Variants in ABLIM2 observed in about 807,000 individuals in gnomAD.
The protein encoded by ABLIM2 is actin binding LIM protein family member 2.
In ABLIM2, 53 loss-of-function variants were observed where a neutral mutation model predicts 97.7. The ratio of observed to expected loss-of-function variants is 0.54; its 90% CI spans 0.44 to 0.68. The LOEUF (loss-of-function observed/expected upper bound fraction) is 0.68. Among genes scored for constraint, ABLIM2 ranks in the 30% least tolerant of loss-of-function variants. The pLI, the probability that ABLIM2 is intolerant of heterozygous loss-of-function variation, is 0.00. For missense variants in ABLIM2, 835 were observed against 867.2 expected (o/e 0.96, Z 0.47); for synonymous variants, 361 against 345.8 (o/e 1.04, Z -0.49).
At chr4:8,089,546 C>T (rs1326509446) in intron 3 of ABLIM2, among the ~76,000 whole-genome samples, 1 of 151,926 alleles carries the variant, frequency 6.6e-6, no homozygotes, top group East Asian at 1.9e-4. Context: ...ACCAGCCTGG[C>T]CAGTGTGGTG....
At position 7,965,792 on chromosome 4, in the gene ABLIM2, TCTCCATC is replaced by T. The variant is rs955873351; in HGVS notation, c.*1191_*1197del. 2.6e-5 allele frequency: 4 copies of T among 152,192 alleles called. No individual in the cohort carries two copies. The highest frequency in any genetic ancestry group is 4.4e-5 in the Non-Finnish European group (3 of 68,050). 9.4% of individuals were successfully genotyped at this position (152,192 alleles called of 1,614,324 possible). ...TGAGAAGAGCCACATCTCCATCCTA[TCTCCATC>T]CTATCTCCATCCTTCTCTCCCCAAC... On this transcript the variant is annotated 3_prime_UTR_variant, in exon 21 of 21. Coordinates refer to ENST00000447017, the MANE Select transcript of ABLIM2 (RefSeq NM_001130083.2).
intron 2 of ABLIM2, among the ~76,000 whole-genome samples, chr4:8,099,862 A>G (rs1833631181): frequency 6.6e-6 from 1 of 152,134 alleles, no homozygotes; most frequent in Non-Finnish European, 1.5e-5. Context: ...AAAACAAAAC[A>G]GCAACAACAA....
intron 15 of ABLIM2, 91 bp from the exon 16 acceptor site, chr4:8,008,291 CTAACA>C: frequency 7.9e-7 from 1 of 1,271,138 alleles, no homozygotes; most frequent in South Asian, 1.4e-5. Context: ...TTCCTTACTT[CTAACA>C]TACGAGCTGA....
chr4:8,050,382 C>A (rs1795191904), intron 8 of ABLIM2, among the ~76,000 whole-genome samples: 1 of 152,212 alleles, frequency 6.6e-6, no homozygotes, highest in African/African-American at 2.4e-5. Context: ...AGTGAGTGCT[C>A]CCTCCTCCCT....
chr4:8,110,700 A>G, intron 1 of ABLIM2, among the ~76,000 whole-genome samples: 1 of 152,072 alleles, frequency 6.6e-6, no homozygotes, highest in African/African-American at 2.4e-5. Flanking sequence ...AGCTGCTAAG[A>G]GCATGGATTT....
At position 7,967,008 on chromosome 4, in the gene ABLIM2, C is replaced by A. The variant is rs1723344157; in HGVS notation, c.1920G>T (p.Lys640Asn). 6.2e-7 allele frequency: 1 copy of A among 1,613,378 alleles called. No individual in the cohort carries two copies. Among genetic ancestry groups the A allele is most frequent in the Admixed American group, 1.7e-5 (1 of 60,006 alleles). ...LALWKRNDLK[K>N]KALLF Reference sequence around the variant, plus strand: ...GCAGCCGTCAGAACAAAAGGGCTTTCTTCTTAAGGTCATTCCTCTTCCAGA... The same window carrying A: ...GCAGCCGTCAGAACAAAAGGGCTTTATTCTTAAGGTCATTCCTCTTCCAGA... The change falls in exon 21 of 21, where the codon AAG becomes AAT. Residue 640 changes from lysine to asparagine, a missense_variant. Transcript: ENST00000447017.
Position 8,005,038 on chromosome 4 carries a change from G to A in ABLIM2, c.1618+3021C>T, listed in dbSNP as rs115845616. On this transcript the variant is annotated intron_variant, in intron 16 of 20. Transcript: ENST00000447017. The surrounding 1 kb of genome is among the most constrained non-coding windows in gnomAD (Gnocchi z 4.9). ...ATGTCCAGCACATAGTAGGTGCTCA[G>A]TAAGTATCTGGTGGAGGGATGGATG... Among the ~76,000 whole-genome samples the A allele has an allele frequency of 6.4e-3, 975 of 152,312 alleles. 11 individuals are homozygous for A. The highest frequency in any genetic ancestry group is 0.022 in the African/African-American group (925 of 41,570).
intron 16 of ABLIM2, among the ~76,000 whole-genome samples, chr4:7,993,334 G>A (rs1401347993): frequency 1.3e-5 from 2 of 152,254 alleles, no homozygotes; most frequent in Non-Finnish European, 2.9e-5. Flanking sequence ...CTGTGCCAGA[G>A]GTGGCAAATG....
intron 1 of ABLIM2, among the ~76,000 whole-genome samples, chr4:8,109,796 G>C (rs1839402590): frequency 6.6e-6 from 1 of 152,204 alleles, no homozygotes; most frequent in African/African-American, 2.4e-5. Context: ...ATCACCCTGG[G>C]CCTGCCTCCG....
chr4:8,065,434 C>T (rs939785170), intron 6 of ABLIM2, among the ~76,000 whole-genome samples: 2 of 152,148 alleles, frequency 1.3e-5, no homozygotes, highest in Admixed American at 6.5e-5. Context: ...AATAACAACA[C>T]AGAAAGGAAA....
chr4:8,024,449 C>T (rs11729381), intron 12 of ABLIM2, among the ~76,000 whole-genome samples: 14,463 of 152,210 alleles, frequency 0.095, 778 homozygotes, highest in Middle Eastern at 0.18. Context: ...CAGCCGCCCC[C>T]GTACAGTGCC....
In ABLIM2 at chr4:8,127,213, C is replaced by G. The variant is rs989290124; in HGVS notation, c.11-20576G>C. On this transcript the variant is annotated intron_variant, in intron 1 of 20. Transcript: ENST00000447017. This position sits in a 1 kb window ranked among gnomAD's most constrained non-coding sequence, Gnocchi z 7.3. ...GCCCAGACGCTGTGGTCAGTGGGTG[C>G]TGGAGTCCAGACGCAGCTCCGATAC... Among the ~76,000 whole-genome samples the G allele has an allele frequency of 1.3e-5, 2 of 152,156 alleles. No individual in the cohort carries two copies. Among genetic ancestry groups the G allele is most frequent in the African/African-American group, 4.8e-5 (2 of 41,428 alleles).
chr4:8,084,335 C>T (rs996588630), intron 4 of ABLIM2, among the ~76,000 whole-genome samples: 2 of 152,134 alleles, frequency 1.3e-5, no homozygotes, highest in African/African-American at 4.8e-5. Context: ...CAGGGGTTCT[C>T]CTGTTTCCTA....
chr4:7,979,616 G>C (rs199628396), intron 20 of ABLIM2, among the ~76,000 whole-genome samples: 3 of 152,150 alleles, frequency 2.0e-5, no homozygotes, highest in African/African-American at 4.8e-5. Flanking sequence ...TTTGTAAAAC[G>C]TTGTAAATGA....
In ABLIM2 at chr4:8,005,497, C is replaced by T; in HGVS notation, c.1618+2562G>A. ...CAGTAAAAGCTGTGTGCAAATGGAA[C>T]TGGTGCCCACGGACTCAGGTCTGGG... On this transcript the variant is annotated intron_variant, in intron 16 of 20. Coordinates refer to ENST00000447017, the MANE Select transcript of ABLIM2 (RefSeq NM_001130083.2). The surrounding 1 kb of genome is among the most constrained non-coding windows in gnomAD (Gnocchi z 4.9). The T allele has an allele frequency of 1.9e-6, 1 of 520,996 alleles. No individual in the cohort carries two copies. The highest frequency in any genetic ancestry group is 3.9e-6 in the Non-Finnish European group (1 of 255,688). 32.3% of individuals were successfully genotyped at this position (520,996 alleles called of 1,614,324 possible).
At position 8,104,709 on chromosome 4, in the gene ABLIM2, A is replaced by G. The variant is rs536905576; in HGVS notation, c.154+1785T>C. ...GCTCAGCGTCTTCCCTAAGTCACCGACCCCCTGCAGGGCTCCAAGTGCCGC... is the reference window on the plus strand; with the variant it reads ...GCTCAGCGTCTTCCCTAAGTCACCGGCCCCCTGCAGGGCTCCAAGTGCCGC... On this transcript the variant is annotated intron_variant, in intron 2 of 20. Transcript: ENST00000447017. Among the ~76,000 whole-genome samples, 4 of 151,632 alleles carry G rather than the reference A, an allele frequency of 2.6e-5. No individual in the cohort carries two copies. The South Asian group carries it at 8.4e-4, about 32-fold the overall frequency.
At position 8,083,310 on chromosome 4, in the gene ABLIM2, G is replaced by A. The variant is rs916926933; in HGVS notation, c.455-2508C>T. ...CTCTGTGCCCCTGGAATGAGGGCAC[G>A]TGTGATCCGTGAATAAATGCACACA... On this transcript the variant is annotated intron_variant, in intron 4 of 20. Coordinates refer to ENST00000447017, the MANE Select transcript of ABLIM2 (RefSeq NM_001130083.2). This position sits in a 1 kb window ranked among gnomAD's most constrained non-coding sequence, Gnocchi z 4.6. Among the ~76,000 whole-genome samples, 2 of 152,206 alleles carry A rather than the reference G, an allele frequency of 1.3e-5. No homozygotes were observed. The highest frequency in any genetic ancestry group is 2.4e-5 in the African/African-American group (1 of 41,456).
At chr4:8,029,511 G>A (rs192121085) in intron 11 of ABLIM2, 145 bp downstream of exon 11, 58 of 1,125,288 alleles carry the variant, frequency 5.2e-5, no homozygotes, top group Admixed American at 2.8e-4. Flanking sequence ...CCACCCACCC[G>A]CTGGCAATCC....
intron 6 of ABLIM2, among the ~76,000 whole-genome samples, chr4:8,073,100 G>A (rs1432080406): frequency 2.0e-5 from 3 of 151,610 alleles, no homozygotes; most frequent in Non-Finnish European, 4.4e-5. Flanking sequence ...TCTCTAAAAC[G>A]CCACTGGAGG....
Sources: allele counts gnomAD v4.1 joint callset (sites outside exome capture counted in the v4.1 genomes callset), GRCh38; gene constraint gnomAD v4.1.1; non-coding constraint Gnocchi (gnomAD v3.1); transcripts MANE v1.5; gene names NCBI Gene and HGNC (gene_info 2026-07-23, HGNC 2026-07-21).